The following SKI variants were observed in gnomAD, a reference collection of about 807,000 sequenced individuals.
SKI encodes SKI proto-oncogene, also known as ski oncogene.
A neutral mutation model predicts 59.3 loss-of-function variants in SKI; 23 were observed. The observed-to-expected ratio is 0.39, with a 90% CI of 0.28 to 0.55. The LOEUF is 0.55. SKI is among the 20% of genes least tolerant of loss of function. SKI has a pLI of 0.67. For missense variants in SKI, 1,017 were observed against 1,038.9 expected, an observed-to-expected ratio of 0.98 and a Z score of 0.29; for synonymous variants, 673 against 488.6, an observed-to-expected ratio of 1.38 and a Z score of -4.98.
chr1:2,278,029 C>A (rs145474321), intron 1 of SKI, among the ~76,000 whole-genome samples: 1 of 152,374 alleles, frequency 6.6e-6, no homozygotes, highest in Non-Finnish European at 1.5e-5. Flanking sequence ...CACACACATG[C>A]ACCCACTCCC....
In SKI at chr1:2,272,790, T is replaced by C. The variant is rs1027502927; in HGVS notation, c.970-30188T>C. Among the ~76,000 whole-genome samples the C allele has an allele frequency of 6.6e-5, 10 of 152,086 alleles. 1 individual carries two copies. Among genetic ancestry groups the C allele is most frequent in the Non-Finnish European group, 1.5e-5 (1 of 67,964 alleles). On this transcript the variant is annotated intron_variant, in intron 1 of 6. Transcript: ENST00000378536. Reference sequence around the variant, plus strand: ...CTCCCCTGCCCCGGCCTATGTGTGCTGACCCTGGGACCGGTGAGGCAGTTC... The same window carrying C: ...CTCCCCTGCCCCGGCCTATGTGTGCCGACCCTGGGACCGGTGAGGCAGTTC...
intron 1 of SKI, among the ~76,000 whole-genome samples, chr1:2,284,309 C>A (rs1639984235): frequency 6.6e-6 from 1 of 152,204 alleles, no homozygotes; most frequent in Non-Finnish European, 1.5e-5. Context: ...GGTTGAGTTC[C>A]CTCCTCTCCC....
chr1:2,264,530 A>G (rs970928653), intron 1 of SKI, among the ~76,000 whole-genome samples: 4 of 152,050 alleles, frequency 2.6e-5, no homozygotes, highest in Admixed American at 2.0e-4. Flanking sequence ...CAGGTTTCCA[A>G]AGTGCTGGGA....
rs1192610873 is a variant in SKI at position 2,229,781 on chromosome 1, G to C, written c.969+46G>C. On this transcript the variant is annotated intron_variant, in intron 1 of 6. Coordinates refer to ENST00000378536, the MANE Select transcript of SKI (RefSeq NM_003036.4). This position sits in a 1 kb window ranked among gnomAD's most constrained non-coding sequence, Gnocchi z 6.3. ...GAGCTGGGGAGGATGCGCTTGGGGTGGGGGCCCCTTCTGGACTACAGGCTC... is the reference window on the plus strand; with the variant it reads ...GAGCTGGGGAGGATGCGCTTGGGGTCGGGGCCCCTTCTGGACTACAGGCTC... The C allele has an allele frequency of 1.0e-5, 16 of 1,549,676 alleles. No individual in the cohort carries two copies. The highest frequency in any genetic ancestry group is 1.2e-5 in the Non-Finnish European group (14 of 1,146,908).
chr1:2,252,953 G>A (rs543034380), intron 1 of SKI, among the ~76,000 whole-genome samples: 9 of 152,040 alleles, frequency 5.9e-5, no homozygotes, highest in African/African-American at 9.6e-5. Flanking sequence ...AAAATTAGCC[G>A]GGCGTGGTTG....
At chr1:2,304,960 TG>T (rs1416114217) in intron 5 of SKI, among the ~76,000 whole-genome samples, 1 of 152,256 alleles carries the variant, frequency 6.6e-6, no homozygotes, top group Non-Finnish European at 1.5e-5. Context: ...AGCAGCTGCA[TG>T]GAGACAGTTC....
chr1:2,309,920 TCAGGAGTCA>T lies in SKI; in HGVS notation c.*3158_*3166del, dbSNP rs1218113072. The T allele has an allele frequency of 1.8e-5, 1 of 55,950 alleles. No individual in the cohort carries two copies. 3.5% of individuals were successfully genotyped at this position (55,950 alleles called of 1,614,324 possible). On this transcript the variant is annotated 3_prime_UTR_variant, in exon 7 of 7. Coordinates refer to ENST00000378536, the MANE Select transcript of SKI (RefSeq NM_003036.4). ...GGGAGATGTTCGTTCTCGCTTTAAG[TCAGGAGTCA>T]CAAATGACTTTTTTTTTTCAATTAA...
At position 2,268,622 on chromosome 1, in the gene SKI, C is replaced by T. The variant is rs1441779254; in HGVS notation, c.970-34356C>T. 6.6e-6 allele frequency among the ~76,000 whole-genome samples: 1 copy of T among 152,228 alleles called. No homozygotes were observed. Among genetic ancestry groups the T allele is most frequent in the South Asian group, 2.1e-4 (1 of 4,836 alleles). The stretch of plus-strand genomic sequence containing the variant: ...TGGCTGGCTTGACAGGTCCCCCTTT[C>T]CCTCACCATGGAGTTTCACCCAATT... On this transcript the variant is annotated intron_variant, in intron 1 of 6. Coordinates refer to ENST00000378536, the MANE Select transcript of SKI (RefSeq NM_003036.4). The surrounding 1 kb of genome is among the most constrained non-coding windows in gnomAD (Gnocchi z 5.0).
intron 1 of SKI, among the ~76,000 whole-genome samples, chr1:2,250,063 G>A (rs958652371): frequency 2.2e-4 from 33 of 151,980 alleles, no homozygotes; most frequent in South Asian, 4.2e-4. Flanking sequence ...CGCCCACCAC[G>A]CCCGGCTAAT....
chr1:2,298,775 C>A (rs1465997004), intron 1 of SKI, among the ~76,000 whole-genome samples: 1 of 152,218 alleles, frequency 6.6e-6, no homozygotes, highest in Non-Finnish European at 1.5e-5. Context: ...CAAATGGGGC[C>A]TTCTTTGATC....
rs765903930 is a variant in SKI at position 2,303,338 on chromosome 1, C to G, written c.1149C>G (p.Ser383=). Reference sequence around the variant, plus strand: ...GCCTCTCTGCTTTCCGACCCTGGTCCCCCGCAGTGTCAGCGAGTGAGAAAG... The same window carrying G: ...GCCTCTCTGCTTTCCGACCCTGGTCGCCCGCAGTGTCAGCGAGTGAGAAAG... The part of the protein sequence containing the change: ...RQRLSAFRPW[S]PAVSASEKEL... The change falls in exon 3 of 7, where the codon TCC becomes TCG. Residue 383 remains serine (S), a synonymous_variant. Coordinates refer to ENST00000378536, the MANE Select transcript of SKI (RefSeq NM_003036.4). The surrounding 1 kb of genome is among the most constrained non-coding windows in gnomAD (Gnocchi z 5.6). 4.3e-6 allele frequency: 7 copies of G among 1,613,904 alleles called. No individual in the cohort carries two copies. The South Asian group carries it at 4.4e-5, about 10-fold the overall frequency.
intron 1 of SKI, among the ~76,000 whole-genome samples, chr1:2,298,018 T>C (rs984931691): frequency 2.0e-5 from 3 of 152,170 alleles, no homozygotes; most frequent in Non-Finnish European, 4.4e-5. Flanking sequence ...AGTGCAGTTT[T>C]GACACCGGGT....
At chr1:2,263,713 G>C (rs184332695) in intron 1 of SKI, among the ~76,000 whole-genome samples, 1 of 151,660 alleles carries the variant, frequency 6.6e-6, no homozygotes, top group East Asian at 2.0e-4. Flanking sequence ...GTTTGGTGGG[G>C]GGACTGGGCG....
At chr1:2,253,661 T>C (rs1419235796) in intron 1 of SKI, among the ~76,000 whole-genome samples, 1 of 152,186 alleles carries the variant, frequency 6.6e-6, no homozygotes, top group Non-Finnish European at 1.5e-5. Context: ...TGCCCCCAGT[T>C]CTGACAGCTA....
intron 1 of SKI, among the ~76,000 whole-genome samples, chr1:2,285,572 G>GTT (rs202029239): frequency 0.094 from 13,641 of 145,266 alleles, 837 homozygotes; most frequent in Admixed American, 0.17. Context: ...TGTTGTTTTT[G>GTT]TTTTTTTTTT....
intron 1 of SKI, among the ~76,000 whole-genome samples, chr1:2,253,576 C>T (rs1182979810): frequency 6.6e-6 from 1 of 152,232 alleles, no homozygotes; most frequent in South Asian, 2.1e-4. Flanking sequence ...GGGCTGCTGG[C>T]CTCTGCCAGG....
rs138056126 is a variant in SKI, at chr1:2,303,658, C to T, written c.1212-182C>T. The T allele has an allele frequency of 5.4e-4, 472 of 866,462 alleles. 4 individuals carry two copies. In the African/African-American group the frequency reaches 7.1e-3, roughly 13 times the overall value. 53.7% of individuals were successfully genotyped at this position (866,462 alleles called of 1,614,324 possible). On this transcript the variant is annotated intron_variant, in intron 3 of 6. Transcript: ENST00000378536. This position sits in a 1 kb window ranked among gnomAD's most constrained non-coding sequence, Gnocchi z 5.6. ...GATGTGTTGGCCTGTGTCTGGCCTTCGCAAGAGACCCAGCAAGCAGAAAAC... is the reference window on the plus strand; with the variant it reads ...GATGTGTTGGCCTGTGTCTGGCCTTTGCAAGAGACCCAGCAAGCAGAAAAC...
intron 1 of SKI, among the ~76,000 whole-genome samples, chr1:2,245,139 G>A (rs1328857702): frequency 6.6e-5 from 10 of 151,108 alleles, no homozygotes; most frequent in Non-Finnish European, 2.9e-5. Context: ...TTCTGTTTCT[G>A]TGACTTTGGT....
At chr1:2,260,447 T>C (rs1320583018) in intron 1 of SKI, among the ~76,000 whole-genome samples, 1 of 152,078 alleles carries the variant, frequency 6.6e-6, no homozygotes, top group Non-Finnish European at 1.5e-5. Flanking sequence ...TTTGTCCCTG[T>C]CCATGGCTTT....
Sources: allele counts gnomAD v4.1 joint callset (sites outside exome capture counted in the v4.1 genomes callset), GRCh38; gene constraint gnomAD v4.1.1; non-coding constraint Gnocchi (gnomAD v3.1); transcripts MANE v1.5; gene names NCBI Gene and HGNC (gene_info 2026-07-23, HGNC 2026-07-21).